The following ORC3 variants were observed in gnomAD, a reference collection of about 807,000 sequenced individuals.
ORC3 encodes the protein homolog of latheo, Drosophila.
Under a neutral mutation model 100.7 loss-of-function variants are expected in ORC3, and 78 were observed. That is an observed-to-expected ratio of 0.77 (90% confidence interval 0.65 to 0.94). The LOEUF (loss-of-function observed/expected upper bound fraction) is 0.94. ORC3 is among the 40% of genes least tolerant of loss of function. The pLI is 0.00. For synonymous variants in ORC3, 295 were observed against 289.3 expected, an observed-to-expected ratio of 1.02 and a Z score of -0.20; for missense variants, 789 against 823.9, an observed-to-expected ratio of 0.96 and a Z score of 0.52.
rs398002192 is a variant in ORC3 at position 87,666,435 on chromosome 6, C to CTTTT, written c.2031-566_2031-563dup. On this transcript the variant is annotated intron_variant, in intron 19 of 19. Transcript: ENST00000392844. ...GTGAGCCACCTCACCCGGCCTAATT[C>CTTTT]TTTTTTTTTTTTTTTTTTTTGAGAC... Among the ~76,000 whole-genome samples the CTTTT allele has an allele frequency of 3.3e-4, 32 of 97,636 alleles. 1 individual carries two copies. The highest frequency in any genetic ancestry group is 8.5e-4 in the African/African-American group (21 of 24,684). 64.1% of individuals were successfully genotyped at this position (97,636 alleles called of 152,430 possible). A position where few individuals can be genotyped will look rare whatever the true frequency, so the allele number is the denominator to read the frequency against.
Position 87,611,534 on chromosome 6 carries a change from C to A in ORC3, c.714-555C>A, listed in dbSNP as rs558453710. On this transcript the variant is annotated intron_variant, in intron 7 of 19. Transcript: ENST00000392844. ...GGGCATGGTGGCTCACGCCTGTAAT[C>A]CCAGCACTTTGGGAGGCCGAAGTGG... 3.3e-5 allele frequency among the ~76,000 whole-genome samples: 5 copies of A among 152,250 alleles called. No homozygotes were observed. The East Asian group carries it at 9.7e-4, about 29-fold the overall frequency.
intron 13 of ORC3, among the ~76,000 whole-genome samples, chr6:87,651,692 G>A (rs1053939637): frequency 2.0e-5 from 3 of 152,144 alleles, no homozygotes; most frequent in Non-Finnish European, 2.9e-5. Context: ...TTTTGTTGTT[G>A]TTGTTGGGGT....
Position 87,636,412 on chromosome 6 carries a change from A to T in ORC3, c.1308A>T (p.Arg436Ser), listed in dbSNP as rs1156725054. Residue 436 changes from arginine (R) to serine (S), a missense_variant, in exon 13 of 20, where the codon AGA (arginine) becomes AGT (serine). By Grantham distance (110) the Arg-to-Ser change is moderately radical (BLOSUM62 -1). Around this residue, in one of 3 missense-constraint regions of ORC3, gnomAD observed 366 missense variants for 394.2 expected, o/e 0.93. Transcript: ENST00000392844. ...AATGTGTTGTTCCCTTACAGATCAGAGAGTTGTACTGTACATGTTTAGAAA... is the reference window on the plus strand; with the variant it reads ...AATGTGTTGTTCCCTTACAGATCAGTGAGTTGTACTGTACATGTTTAGAAA... ...LPKYPLGRQI[R>S]ELYCTCLEKN... 1 of 1,597,580 alleles carries T rather than the reference A, an allele frequency of 6.3e-7. No individual in the cohort carries two copies. Among genetic ancestry groups the T allele is most frequent in the African/African-American group, 1.3e-5 (1 of 74,562 alleles).
At chr6:87,618,356 C>T (rs113293704) in intron 9 of ORC3, among the ~76,000 whole-genome samples, 2,238 of 150,226 alleles carry the variant, frequency 0.015, 22 homozygotes, top group African/African-American at 0.018. Flanking sequence ...TTGTAGTGAG[C>T]GAGTGAGCGG....
At chr6:87,662,286 G>A (rs1051405099) in intron 16 of ORC3, among the ~76,000 whole-genome samples, 1 of 152,072 alleles carries the variant, frequency 6.6e-6, no homozygotes, top group Non-Finnish European at 1.5e-5. Context: ...TTAGCCGGGC[G>A]TGTTGGTGGG....
At chr6:87,641,021 A>T (rs1377517377) in intron 13 of ORC3, among the ~76,000 whole-genome samples, 1 of 152,114 alleles carries the variant, frequency 6.6e-6, no homozygotes, top group African/African-American at 2.4e-5. Context: ...AGGCAGGAGA[A>T]TCACTTGAAA....
At chr6:87,671,626 A>T (rs2128298821), downstream of ORC3, among the ~76,000 whole-genome samples, 1 of 152,254 alleles carries the variant, frequency 6.6e-6, no homozygotes, top group Non-Finnish European at 1.5e-5. Context: ...GGAAATGAAG[A>T]TTGGGCCAAC....
chr6:87,619,312 A>C (rs1265607409), intron 9 of ORC3, among the ~76,000 whole-genome samples: 1 of 152,242 alleles, frequency 6.6e-6, no homozygotes, highest in Non-Finnish European at 1.5e-5. Flanking sequence ...TTTGTAAAAT[A>C]AAGCAATCAG....
intron 13 of ORC3, among the ~76,000 whole-genome samples, chr6:87,637,274 T>G (rs540052498): frequency 1.6e-4 from 25 of 152,288 alleles, no homozygotes; most frequent in African/African-American, 5.8e-4. Context: ...ATGGGCACAG[T>G]AGGAGGAAAA....
chr6:87,674,624 T>TTA, the ORC3 span, among the ~76,000 whole-genome samples: 1,348 of 143,504 alleles, frequency 9.4e-3, 8 homozygotes, highest in African/African-American at 0.017. Flanking sequence ...AAGAAGGAAT[T>TTA]TATATATATA....
intron 5 of ORC3, among the ~76,000 whole-genome samples, chr6:87,607,355 C>T (rs1048476517): frequency 1.1e-4 from 17 of 151,704 alleles, no homozygotes; most frequent in African/African-American, 2.7e-4. Context: ...TGCTTGAACC[C>T]GGGAGGCAGA....
Position 87,653,258 on chromosome 6 carries a change from G to A in ORC3, c.1516+9G>A, listed in dbSNP as rs375948190. On this transcript the variant is annotated intron_variant, in intron 14 of 19. Transcript: ENST00000392844. ...GTTTCAGAGCCTCGATGGTAAGAGT[G>A]TAATATCCTTCCAATTCTATTGGCC... 22 of 1,609,966 alleles carry A rather than the reference G, an allele frequency of 1.4e-5. No homozygotes were observed. Among genetic ancestry groups the A allele is most frequent in the Non-Finnish European group, 1.8e-5 (21 of 1,178,150 alleles).
At chr6:87,613,947 T>A (rs2128256861) in intron 8 of ORC3, among the ~76,000 whole-genome samples, 2 of 152,288 alleles carry the variant, frequency 1.3e-5, no homozygotes, top group Middle Eastern at 6.8e-3. Flanking sequence ...GATCTACCAT[T>A]CTGGGGTGTA....
Position 87,605,959 on chromosome 6 carries a change from C to T in ORC3, c.365C>T (p.Thr122Ile). 6.2e-7 allele frequency: 1 copy of T among 1,610,350 alleles called. No individual in the cohort carries two copies. Among genetic ancestry groups the T allele is most frequent in the South Asian group, 1.1e-5 (1 of 90,922 alleles). ...TDHDLTFGSL[T>I]EALQNNVTPY... ...CATGATTTGACATTCGGAAGTCTAA[C>T]AGAGGCCCTTCAGAATAATGTCACA... is the stretch of plus-strand genomic sequence containing the variant. The change falls in exon 5 of 20, where the codon ACA (threonine) becomes ATA (isoleucine). Residue 122 changes from threonine (T) to isoleucine (I), a missense_variant. By Grantham distance (89) the Thr-to-Ile change is moderately conservative. Around this residue, in one of 3 missense-constraint regions of ORC3, gnomAD observed 399 missense variants for 382.0 expected, o/e 1.04. Coordinates refer to ENST00000392844, the MANE Select transcript of ORC3 (RefSeq NM_012381.4).
At chr6:87,632,573 A>G (rs1583092422) in intron 11 of ORC3, among the ~76,000 whole-genome samples, 1 of 152,080 alleles carries the variant, frequency 6.6e-6, no homozygotes, top group Non-Finnish European at 1.5e-5. Context: ...AATACAAAAC[A>G]TTTTTTAGGC....
chr6:87,667,895 T>C (rs1192360226), downstream of ORC3, among the ~76,000 whole-genome samples: 1 of 151,822 alleles, frequency 6.6e-6, no homozygotes, highest in Non-Finnish European at 1.5e-5. Flanking sequence ...GCCACTGCAC[T>C]CCAGCCTGGG....
chr6:87,618,908 T>G (rs1166080446), intron 9 of ORC3, among the ~76,000 whole-genome samples: 1 of 152,128 alleles, frequency 6.6e-6, no homozygotes, highest in African/African-American at 2.4e-5. Context: ...AGAGCAAGGT[T>G]GTTGTGAGAA....
chr6:87,661,414 G>A (rs1251649744), intron 16 of ORC3, among the ~76,000 whole-genome samples: 1 of 152,196 alleles, frequency 6.6e-6, no homozygotes, highest in East Asian at 1.9e-4. Flanking sequence ...TGACTCTGGA[G>A]AAGGAGCAGC....
At chr6:87,632,634 G>A (rs1399317631) in intron 11 of ORC3, among the ~76,000 whole-genome samples, 1 of 152,060 alleles carries the variant, frequency 6.6e-6, no homozygotes, top group African/African-American at 2.4e-5. Context: ...AGGCTGAGGT[G>A]GGTGGATCAC....
Sources: allele counts gnomAD v4.1 joint callset (sites outside exome capture counted in the v4.1 genomes callset), GRCh38; gene constraint gnomAD v4.1.1; regional missense constraint gnomAD v4.1.1; transcripts MANE v1.5; gene names NCBI Gene and HGNC (gene_info 2026-07-23, HGNC 2026-07-21).